NEBL: variants seen among roughly 807,000 people sequenced by gnomAD.
NEBL encodes the protein LIM and SH3 protein 2.
A neutral mutation model predicts 140.2 loss-of-function variants in NEBL; 122 were observed. The observed-to-expected ratio is 0.87, with a 90% CI of 0.75 to 1.01. The LOEUF (loss-of-function observed/expected upper bound fraction) is 1.01, where lower values mean the gene tolerates loss of function less well. Ranked by LOEUF, NEBL falls within the 50% of genes least tolerant of loss-of-function variation. The pLI, the probability that NEBL is intolerant of heterozygous loss-of-function variation, is 0.00. For synonymous variants in NEBL, 436 were observed against 398.9 expected (o/e 1.09, Z -1.11); for missense variants, 1,365 against 1,231.3 (o/e 1.11, Z -1.62).
At chr10:20,886,580 G>C (rs1846539673) in intron 4 of NEBL, among the ~76,000 whole-genome samples, 1 of 152,106 alleles carries the variant, frequency 6.6e-6, no homozygotes, top group South Asian at 2.1e-4. Context: ...ACAAGAAAAA[G>C]AGGGTTAGAA....
chr10:20,838,271 A>G (rs1245591125), intron 13 of NEBL, among the ~76,000 whole-genome samples: 1 of 152,204 alleles, frequency 6.6e-6, no homozygotes, highest in Non-Finnish European at 1.5e-5. Flanking sequence ...CATTAATAGA[A>G]GTTTGGAAGA....
At chr10:21,105,208 A>C (rs1328851759) in intron 2 of NEBL, among the ~76,000 whole-genome samples, 1 of 151,226 alleles carries the variant, frequency 6.6e-6, no homozygotes, top group African/African-American at 2.5e-5. Context: ...TTATATTTTA[A>C]GTTCGGGGAT....
Position 20,812,904 on chromosome 10 carries a change from T to C in NEBL, c.2383A>G (p.Arg795Gly). 1 of 1,613,902 alleles carries C rather than the reference T, an allele frequency of 6.2e-7. No individual in the cohort carries two copies. Among genetic ancestry groups the C allele is most frequent in the South Asian group, 1.1e-5 (1 of 91,080 alleles). ...YHEDFEKTKGRGFTPVVDDPV... is the reference protein window; with the variant it reads ...YHEDFEKTKGGGFTPVVDDPV... ...TCGTCCACGACGGGAGTAAAGCCTC[T>C]CCCCTTTGTTTTTTCAAAATCTTCA... The change falls in exon 24 of 28, where the codon AGA (arginine) becomes GGA (glycine). Residue 795 changes from arginine (R) to glycine (G), a missense_variant. Arg to Gly is a moderately radical substitution (Grantham distance 125, BLOSUM62 -2). This residue lies in a region of NEBL where 1,323 missense variants were observed against 1,154.8 expected (regional missense o/e 1.15). Coordinates refer to ENST00000377122, the MANE Select transcript of NEBL (RefSeq NM_006393.3).
At chr10:20,946,849 A>G (rs1196458720) in intron 4 of NEBL, among the ~76,000 whole-genome samples, 1 of 152,202 alleles carries the variant, frequency 6.6e-6, no homozygotes, top group Admixed American at 6.5e-5. Flanking sequence ...AGCATTTAAC[A>G]AAGGATAACA....
At chr10:20,961,355 C>T (rs969444347) in intron 4 of NEBL, among the ~76,000 whole-genome samples, 2 of 152,080 alleles carry the variant, frequency 1.3e-5, no homozygotes, top group Admixed American at 6.6e-5. Flanking sequence ...ATTTTATATG[C>T]TTATCCACAG....
At chr10:20,837,876 C>G (rs1038860774) in intron 13 of NEBL, among the ~76,000 whole-genome samples, 5 of 152,178 alleles carry the variant, frequency 3.3e-5, no homozygotes, top group African/African-American at 1.2e-4. Flanking sequence ...GCCTGGATGA[C>G]AGCACATTTG....
intron 3 of NEBL, among the ~76,000 whole-genome samples, chr10:20,971,876 G>C (rs1190719286): frequency 1.3e-5 from 2 of 152,074 alleles, no homozygotes; most frequent in Non-Finnish European, 2.9e-5. Context: ...GCCTCCCAAA[G>C]TGCTGGGATT....
rs76877420 is a variant in NEBL, at chr10:21,159,183, T to G, written c.164+13200A>C. Reference sequence around the variant, plus strand: ...TAACACTTTTTCAATCAGGATTTTATTTTTCAAAGTCTTCTATCTCACTTG... The same window carrying G: ...TAACACTTTTTCAATCAGGATTTTAGTTTTCAAAGTCTTCTATCTCACTTG... On this transcript the variant is annotated intron_variant, in intron 2 of 6. Coordinates refer to the NEBL transcript ENST00000417816. Among the ~76,000 whole-genome samples the G allele has an allele frequency of 9.2e-5, 14 of 152,326 alleles. No homozygotes were observed. The East Asian group carries it at 2.7e-3, about 29-fold the overall frequency.
chr10:21,148,677 C>A (rs1354738806), intron 2 of NEBL, among the ~76,000 whole-genome samples: 2 of 152,058 alleles, frequency 1.3e-5, no homozygotes, highest in Admixed American at 6.5e-5. Flanking sequence ...AGGCACATAC[C>A]ACCATGCCCA....
intron 3 of NEBL, among the ~76,000 whole-genome samples, chr10:20,963,003 A>AC (rs1836121875): frequency 2.8e-5 from 4 of 143,312 alleles, no homozygotes; most frequent in African/African-American, 7.9e-5. Context: ...TTGAAAGAAA[A>AC]ACACACACAC....
At chr10:21,005,448 T>C (rs1263017869) in intron 3 of NEBL, among the ~76,000 whole-genome samples, 1 of 152,144 alleles carries the variant, frequency 6.6e-6, no homozygotes, top group Non-Finnish European at 1.5e-5. Flanking sequence ...TTAAAACCAT[T>C]ATCTGGCCAG....
intron 5 of NEBL, among the ~76,000 whole-genome samples, chr10:20,871,066 T>A (rs1204937795): frequency 6.6e-6 from 1 of 152,222 alleles, no homozygotes; most frequent in Non-Finnish European, 1.5e-5. Context: ...TATATTCTAT[T>A]AAAGTCATAA....
At chr10:20,819,287 A>C (rs1839039796) in intron 20 of NEBL, 137 bp downstream of exon 20, 5 of 1,373,420 alleles carry the variant, frequency 3.6e-6, no homozygotes, top group Admixed American at 1.8e-5. Context: ...CTCATCATTT[A>C]GCTCTCATTA....
intron 3 of NEBL, among the ~76,000 whole-genome samples, chr10:21,200,618 G>A (rs942836659): frequency 2.0e-5 from 3 of 152,100 alleles, no homozygotes; most frequent in Non-Finnish European, 2.9e-5. Context: ...CCAACCCCAC[G>A]GGAATTTTAA....
chr10:21,019,873 C>T (rs1321854717), intron 3 of NEBL, among the ~76,000 whole-genome samples: 1 of 152,174 alleles, frequency 6.6e-6, no homozygotes, highest in East Asian at 1.9e-4. Context: ...TTGACTCTGA[C>T]CGGAACTCAT....
At chr10:21,125,814 T>C (rs1838798059) in intron 2 of NEBL, 4 of 1,589,840 alleles carry the variant, frequency 2.5e-6, no homozygotes, top group Non-Finnish European at 3.5e-6. Context: ...GACAGTGTCC[T>C]TCAGACATTT....
intron 14 of NEBL, among the ~76,000 whole-genome samples, chr10:20,834,206 G>A (rs1052739082): frequency 1.3e-5 from 2 of 152,016 alleles, no homozygotes; most frequent in Non-Finnish European, 2.9e-5. Flanking sequence ...CTTAAATGGG[G>A]TCTGACCCCA....
In NEBL at chr10:21,271,759, C is replaced by G. The variant is rs573845346; in HGVS notation, n.183-19931G>C. 2.6e-5 allele frequency among the ~76,000 whole-genome samples: 4 copies of G among 151,986 alleles called. No homozygotes were observed. In the South Asian group the frequency reaches 8.3e-4, roughly 32 times the overall value. On this transcript the variant is annotated intron_variant and non_coding_transcript_variant, in intron 1 of 8. Coordinates refer to the NEBL transcript ENST00000675702. ...CAGGCTGGTCTTGAGCTCCTCGCCTCAAGTGATCCACCCGCGTCAGCCTCC... is the reference window on the plus strand; with the variant it reads ...CAGGCTGGTCTTGAGCTCCTCGCCTGAAGTGATCCACCCGCGTCAGCCTCC...
At chr10:21,078,111 G>T (rs997224398) in intron 2 of NEBL, among the ~76,000 whole-genome samples, 1 of 152,122 alleles carries the variant, frequency 6.6e-6, no homozygotes, top group Non-Finnish European at 1.5e-5. Flanking sequence ...TTCTATGGGG[G>T]ATCGAAAATA....
Sources: allele counts gnomAD v4.1 joint callset (sites outside exome capture counted in the v4.1 genomes callset), GRCh38; gene constraint gnomAD v4.1.1; regional missense constraint gnomAD v4.1.1; transcripts MANE v1.5; gene names NCBI Gene and HGNC (gene_info 2026-07-23, HGNC 2026-07-21).